CHN2: variants seen among roughly 807,000 people sequenced by gnomAD.
The protein encoded by CHN2 is beta-chimaerin.
A neutral mutation model predicts 56.3 loss-of-function variants in CHN2; 35 were observed. The ratio of observed to expected loss-of-function variants is 0.62; its 90% CI spans 0.47 to 0.82. CHN2 has a LOEUF of 0.82. Among genes scored for constraint, CHN2 ranks in the 40% least tolerant of loss-of-function variants. The pLI, the probability that CHN2 is intolerant of heterozygous loss-of-function variation, is 0.00. For missense variants in CHN2, 491 were observed against 580.5 expected, an observed-to-expected ratio of 0.85 and a Z score of 1.58; for synonymous variants, 210 against 212.8, an observed-to-expected ratio of 0.99 and a Z score of 0.12.
rs143104472 is a variant in CHN2, at chr7:29,359,028, G to A, written c.88+4365G>A. Among the ~76,000 whole-genome samples the A allele has an allele frequency of 9.2e-5, 14 of 152,302 alleles. No homozygotes were observed. In the East Asian group the frequency reaches 1.7e-3, roughly 19 times the overall value. On this transcript the variant is annotated intron_variant, in intron 2 of 12. Coordinates refer to ENST00000222792, the MANE Select transcript of CHN2 (RefSeq NM_004067.4). The stretch of plus-strand genomic sequence containing the variant: ...TAACTATCAACAATATCAGGGCTGT[G>A]CTTCCTTATCCAAAAGCAACAGGCA...
chr7:29,202,146 CA>C (rs760184278), intron 1 of CHN2, among the ~76,000 whole-genome samples: 5 of 152,104 alleles, frequency 3.3e-5, no homozygotes, highest in Non-Finnish European at 7.3e-5. Flanking sequence ...TGGATCTTAC[CA>C]TTGAATCTCC....
At chr7:29,173,876 T>G (rs983360677) in intron 2 of CHN2, among the ~76,000 whole-genome samples, 10 of 149,950 alleles carry the variant, frequency 6.7e-5, no homozygotes, top group African/African-American at 2.5e-4. Context: ...TACTTGGACC[T>G]GGGAGGTGGA....
At chr7:29,425,397 G>A (rs1178782848) in intron 6 of CHN2, among the ~76,000 whole-genome samples, 1 of 152,236 alleles carries the variant, frequency 6.6e-6, no homozygotes, top group Non-Finnish European at 1.5e-5. Flanking sequence ...AGGACATGGA[G>A]CATGATTGAG....
chr7:29,331,561 C>T (rs145474620), intron 1 of CHN2, among the ~76,000 whole-genome samples: 22 of 152,176 alleles, frequency 1.4e-4, no homozygotes, highest in Admixed American at 9.8e-4. Flanking sequence ...CCAGAGGAAA[C>T]GGAATTGAAG....
chr7:29,166,161 G>A (rs1795889694), intron 2 of CHN2, among the ~76,000 whole-genome samples: 1 of 152,026 alleles, frequency 6.6e-6, no homozygotes, highest in Non-Finnish European at 1.5e-5. Flanking sequence ...CTCCCAAGTA[G>A]CTAGGACCAC....
intron 1 of CHN2, among the ~76,000 whole-genome samples, chr7:29,319,454 G>T (rs894030670): frequency 6.6e-6 from 1 of 152,098 alleles, no homozygotes; most frequent in Non-Finnish European, 1.5e-5. Context: ...TTTTATACTA[G>T]CACCAAAGTG....
intron 7 of CHN2, among the ~76,000 whole-genome samples, chr7:29,493,064 A>G (rs148972998): frequency 2.0e-4 from 30 of 152,332 alleles, no homozygotes; most frequent in African/African-American, 7.0e-4. Flanking sequence ...TGGTGAACCC[A>G]TAAGATTATA....
intron 1 of CHN2, among the ~76,000 whole-genome samples, chr7:29,339,681 T>C (rs1796894200): frequency 6.6e-6 from 1 of 152,120 alleles, no homozygotes; most frequent in Middle Eastern, 3.4e-3. Flanking sequence ...GGTGAAACCC[T>C]GTCTCTACTA....
intron 6 of CHN2, among the ~76,000 whole-genome samples, chr7:29,443,861 A>T (rs1268903300): frequency 6.6e-6 from 1 of 152,218 alleles, no homozygotes; most frequent in African/African-American, 2.4e-5. Flanking sequence ...TACCCAAAGC[A>T]GGTCATATGG....
chr7:29,232,402 G>A (rs527327135), intron 1 of CHN2, among the ~76,000 whole-genome samples: 17 of 151,976 alleles, frequency 1.1e-4, no homozygotes, highest in African/African-American at 3.1e-4. Flanking sequence ...ATCCTTTTAC[G>A]TCTACAGCCA....
At chr7:29,211,042 T>A (rs888564618) in intron 1 of CHN2, among the ~76,000 whole-genome samples, 5 of 136,038 alleles carry the variant, frequency 3.7e-5, no homozygotes, top group African/African-American at 1.5e-4. Flanking sequence ...AGTGGCATGA[T>A]CTGACTTAGG....
At chr7:29,232,925 G>A (rs1027016813) in intron 1 of CHN2, among the ~76,000 whole-genome samples, 1 of 152,098 alleles carries the variant, frequency 6.6e-6, no homozygotes, top group Admixed American at 6.5e-5. Flanking sequence ...ACATATTATG[G>A]TCCAACCTTT....
intron 6 of CHN2, among the ~76,000 whole-genome samples, chr7:29,446,513 G>A (rs1784043646): frequency 6.6e-6 from 1 of 152,162 alleles, no homozygotes; most frequent in Non-Finnish European, 1.5e-5. Context: ...TGCCCCAGCT[G>A]ACTGCCCTGA....
intron 1 of CHN2, among the ~76,000 whole-genome samples, chr7:29,217,497 C>A (rs992905733): frequency 6.6e-6 from 1 of 152,160 alleles, no homozygotes; most frequent in Admixed American, 6.6e-5. Flanking sequence ...GCACTTGGCA[C>A]TTTTGTTAGC....
chr7:29,278,693 C>A (rs1562885841), intron 1 of CHN2, among the ~76,000 whole-genome samples: 1 of 152,194 alleles, frequency 6.6e-6, no homozygotes, highest in Non-Finnish European at 1.5e-5. Context: ...GACTGAACTT[C>A]TATGATGGCC....
At chr7:29,425,038 C>G (rs556369173) in intron 6 of CHN2, among the ~76,000 whole-genome samples, 2 of 152,176 alleles carry the variant, frequency 1.3e-5, no homozygotes, top group Admixed American at 1.3e-4. Flanking sequence ...ATGTTGGTGA[C>G]TCACACACTG....
chr7:29,399,926 G>A (rs1802062342), intron 5 of CHN2, among the ~76,000 whole-genome samples: 2 of 152,304 alleles, frequency 1.3e-5, no homozygotes, highest in Admixed American at 1.3e-4. Flanking sequence ...GGCCCAGAGA[G>A]GAGGGAACCT....
At chr7:29,283,505 A>G (rs779986037) in intron 1 of CHN2, among the ~76,000 whole-genome samples, 14 of 152,344 alleles carry the variant, frequency 9.2e-5, no homozygotes, top group Admixed American at 5.2e-4. Context: ...ATAAAGAGAT[A>G]TTTGCAGATA....
intron 1 of CHN2, among the ~76,000 whole-genome samples, chr7:29,237,546 G>C (rs1462316796): frequency 1.3e-5 from 2 of 152,130 alleles, no homozygotes; most frequent in Non-Finnish European, 2.9e-5. Context: ...AAAGAGAAAG[G>C]AAAAAATTTA....
Sources: allele counts gnomAD v4.1 joint callset (sites outside exome capture counted in the v4.1 genomes callset), GRCh38; gene constraint gnomAD v4.1.1; transcripts MANE v1.5; gene names NCBI Gene and HGNC (gene_info 2026-07-23, HGNC 2026-07-21).